Variants in MPP7 observed in about 807,000 individuals in gnomAD.
MPP7 encodes the protein MAGUK p55 subfamily member 7.
A neutral mutation model predicts 76.5 loss-of-function variants in MPP7; 60 were observed. The ratio of observed to expected loss-of-function variants is 0.78; its 90% CI spans 0.64 to 0.97. The LOEUF is 0.97. Among genes scored for constraint, MPP7 ranks in the 50% least tolerant of loss-of-function variants. The pLI is 0.00. For missense variants in MPP7, 641 were observed against 694.0 expected (o/e 0.92, Z 0.86); for synonymous variants, 237 against 244.5 (o/e 0.97, Z 0.29).
chr10:28,069,471 G>T (rs1212189007), intron 13 of MPP7, among the ~76,000 whole-genome samples: 1 of 151,998 alleles, frequency 6.6e-6, no homozygotes, highest in Non-Finnish European at 1.5e-5. Context: ...GGGTGTGGTG[G>T]CACGTGCCTG....
At chr10:28,161,404 C>T (rs577957863) in intron 3 of MPP7, among the ~76,000 whole-genome samples, 1 of 138,734 alleles carries the variant, frequency 7.2e-6, no homozygotes, top group Non-Finnish European at 1.5e-5. Flanking sequence ...TTATTCCTGG[C>T]AGAGTTATCT....
intron 1 of MPP7, among the ~76,000 whole-genome samples, chr10:28,256,457 A>C (rs970565490): frequency 2.6e-5 from 4 of 152,174 alleles, no homozygotes; most frequent in Non-Finnish European, 5.9e-5. Context: ...CATAATTCAC[A>C]CAGGTAAACA....
At chr10:28,084,153 G>C (rs73606049) in intron 12 of MPP7, among the ~76,000 whole-genome samples, 3,438 of 152,208 alleles carry the variant, frequency 0.023, 132 homozygotes, top group African/African-American at 0.078. Flanking sequence ...AGCAAATCCT[G>C]AACAGCAGAA....
intron 1 of MPP7, among the ~76,000 whole-genome samples, chr10:28,290,219 C>A (rs1371753948): frequency 6.6e-6 from 1 of 151,856 alleles, no homozygotes; most frequent in Admixed American, 6.6e-5. Flanking sequence ...TAAAAGTATG[C>A]CTTGTATTGA....
chr10:28,280,079 A>G lies in MPP7; in HGVS notation c.-132+22782T>C, dbSNP rs947106195. On this transcript the variant is annotated intron_variant, in intron 1 of 16. Transcript: ENST00000683449. ...AACAAGGATGAATGCATGCTCATTC[A>G]TATTTGACTACACTTCTTACCAGCC... 12 of 152,086 alleles carry G rather than the reference A, an allele frequency of 7.9e-5. 1 individual carries two copies. The highest frequency in any genetic ancestry group is 1.9e-4 in the African/African-American group (8 of 41,328). 9.4% of individuals were successfully genotyped at this position (152,086 alleles called of 1,614,324 possible).
At chr10:28,132,060 T>C (rs1339671537) in intron 5 of MPP7, among the ~76,000 whole-genome samples, 3 of 152,156 alleles carry the variant, frequency 2.0e-5, no homozygotes, top group Admixed American at 6.5e-5. Context: ...AGGGAGAACA[T>C]GAGGGCTAAA....
chr10:28,275,988 T>G (rs1269487800), intron 1 of MPP7, among the ~76,000 whole-genome samples: 1 of 151,682 alleles, frequency 6.6e-6, no homozygotes, highest in African/African-American at 2.4e-5. Context: ...GCAATAAAGA[T>G]GAATACTCAC....
At chr10:28,266,111 C>G (rs924354652) in intron 1 of MPP7, among the ~76,000 whole-genome samples, 2 of 152,108 alleles carry the variant, frequency 1.3e-5, no homozygotes, top group African/African-American at 4.8e-5. Flanking sequence ...AGGCGCCCAC[C>G]ACCGTGCCCA....
intron 2 of MPP7, among the ~76,000 whole-genome samples, chr10:28,231,642 G>A (rs936149446): frequency 2.2e-4 from 34 of 151,260 alleles, no homozygotes; most frequent in African/African-American, 7.5e-4. Flanking sequence ...CTGATAAAAT[G>A]GACAGTCTTG....
intron 2 of MPP7, among the ~76,000 whole-genome samples, chr10:28,313,680 T>C (rs1841302291): frequency 6.6e-6 from 1 of 152,060 alleles, no homozygotes; most frequent in Non-Finnish European, 1.5e-5. Context: ...TTATGCTCTG[T>C]AAACAACCAA....
intron 1 of MPP7, among the ~76,000 whole-genome samples, chr10:28,278,623 A>C (rs555671553): frequency 6.6e-5 from 10 of 152,208 alleles, no homozygotes; most frequent in Non-Finnish European, 1.3e-4. Flanking sequence ...ACAGTGTATC[A>C]TTTATGTTAA....
intron 2 of MPP7, among the ~76,000 whole-genome samples, chr10:28,231,731 T>C (rs928584481): frequency 6.6e-6 from 1 of 152,120 alleles, no homozygotes; most frequent in Non-Finnish European, 1.5e-5. Flanking sequence ...AATAAATGAA[T>C]TAGTTACCAA....
In MPP7 at chr10:28,058,682, AGACG is replaced by A. The variant is rs1851658279; in HGVS notation, c.1299-83_1299-80del. The A allele has an allele frequency of 5.6e-6, 4 of 717,960 alleles. No homozygotes were observed. The Admixed American group carries it at 1.1e-4, about 19-fold the overall frequency. 44.5% of individuals were successfully genotyped at this position (717,960 alleles called of 1,614,324 possible). A position where few individuals can be genotyped will look rare whatever the true frequency, so the allele number is the denominator to read the frequency against. On this transcript the variant is annotated intron_variant, in intron 14 of 16. Transcript: ENST00000683449. ...TGGCAAGATAAAATTCATAGGTAAA[AGACG>A]TTTCTGCTGAACACGTAATTTTTTT...
At chr10:28,063,290 C>A (rs1301765428) in intron 13 of MPP7, among the ~76,000 whole-genome samples, 6 of 151,702 alleles carry the variant, frequency 4.0e-5, no homozygotes, top group African/African-American at 1.5e-4. Flanking sequence ...TGAAACCCCA[C>A]CTCTACTATA....
At chr10:28,202,902 G>A (rs1457289441) in intron 2 of MPP7, 1 of 151,982 alleles carries the variant, frequency 6.6e-6, no homozygotes, top group Non-Finnish European at 1.5e-5. Flanking sequence ...CCCTCTGAAA[G>A]AGTTAAAGTA....
intron 3 of MPP7, among the ~76,000 whole-genome samples, chr10:28,162,689 T>C (rs573497263): frequency 7.9e-4 from 121 of 152,324 alleles, no homozygotes; most frequent in Non-Finnish European, 1.2e-3. Flanking sequence ...ACTTACTTCC[T>C]GGTGTCATCT....
intron 11 of MPP7, among the ~76,000 whole-genome samples, chr10:28,113,023 C>A (rs1320403587): frequency 2.0e-5 from 3 of 152,166 alleles, no homozygotes; most frequent in African/African-American, 7.2e-5. Flanking sequence ...TATACAACTG[C>A]CTGCTGGTGA....
intron 11 of MPP7, among the ~76,000 whole-genome samples, chr10:28,101,296 T>C (rs1182441174): frequency 1.3e-5 from 2 of 152,176 alleles, no homozygotes; most frequent in Non-Finnish European, 2.9e-5. Flanking sequence ...GACATAGCTG[T>C]ACTTAATTTG....
intron 5 of MPP7, among the ~76,000 whole-genome samples, chr10:28,143,809 T>G (rs551281460): frequency 6.6e-6 from 1 of 151,458 alleles, no homozygotes; most frequent in South Asian, 2.1e-4. Context: ...CCCCCGTGCT[T>G]CCTTCCACCC....
Sources: allele counts gnomAD v4.1 joint callset (sites outside exome capture counted in the v4.1 genomes callset), GRCh38; gene constraint gnomAD v4.1.1; transcripts MANE v1.5; gene names NCBI Gene and HGNC (gene_info 2026-07-23, HGNC 2026-07-21).